Variants in ERLIN2 observed in about 807,000 individuals in gnomAD.
ERLIN2 encodes erlin-2.
Under a neutral mutation model 41.5 loss-of-function variants are expected in ERLIN2, and 22 were observed. The observed-to-expected ratio is 0.53, with a 90% CI of 0.38 to 0.76. The LOEUF (loss-of-function observed/expected upper bound fraction) is 0.76, where lower values mean the gene tolerates loss of function less well. ERLIN2 is among the 30% of genes least tolerant of loss of function. The pLI, the probability that ERLIN2 is intolerant of heterozygous loss-of-function variation, is 0.00. For missense variants in ERLIN2, 247 were observed against 414.3 expected (o/e 0.60, Z 3.51); for synonymous variants, 149 against 150.9 (o/e 0.99, Z 0.09).
intron 8 of ERLIN2, 126 bp downstream of exon 8, chr8:37,749,978 C>G (rs978423442): frequency 4.0e-5 from 35 of 867,214 alleles, no homozygotes; most frequent in Non-Finnish European, 6.6e-5. Context: ...TTGCTACAGC[C>G]CATTGCACTG....
intron 6 of ERLIN2, chr8:37,745,391 A>G (rs1013485782): frequency 1.4e-5 from 9 of 644,580 alleles, no homozygotes; most frequent in African/African-American, 3.7e-5. Flanking sequence ...TGTCCTTTTT[A>G]CCTTTTTCAA....
intron 4 of ERLIN2, among the ~76,000 whole-genome samples, chr8:37,742,069 C>T (rs567211583): frequency 2.6e-5 from 4 of 152,002 alleles, no homozygotes; most frequent in South Asian, 2.1e-4. Flanking sequence ...ATCGGCCGGG[C>T]GCGGTGGCTC....
chr8:37,744,474 G>A (rs373898755), intron 5 of ERLIN2, 58 bp downstream of exon 5: 22 of 1,608,342 alleles, frequency 1.4e-5, no homozygotes, highest in African/African-American at 6.7e-5. Flanking sequence ...TGCCACTCCC[G>A]TGTCTGTTGT....
intron 4 of ERLIN2, 75 bp from the exon 5 acceptor site, chr8:37,744,280 T>A: frequency 1.6e-6 from 2 of 1,260,530 alleles, no homozygotes; most frequent in Non-Finnish European, 2.3e-6. Context: ...CCCCACATCT[T>A]ACGCCATCAC....
At chr8:37,749,929 A>C in intron 8 of ERLIN2, 77 bp downstream of exon 8, 3 of 1,253,272 alleles carry the variant, frequency 2.4e-6, no homozygotes, top group Non-Finnish European at 3.5e-6. Flanking sequence ...GAGGTAACCA[A>C]AGCTGCCAGG....
intron 6 of ERLIN2, chr8:37,745,336 AAC>A: frequency 1.7e-6 from 1 of 573,942 alleles, no homozygotes; most frequent in East Asian, 2.8e-5. Flanking sequence ...CGAATAGAAA[AAC>A]ACTTTAAACA....
At chr8:37,737,522 T>G (rs1772815137) in intron 1 of ERLIN2, 1 of 264,586 alleles carries the variant, frequency 3.8e-6, no homozygotes, top group African/African-American at 2.2e-5. Flanking sequence ...TTTGGCATCC[T>G]CTGTAATTTG....
At chr8:37,740,313 C>T (rs372405680) in intron 2 of ERLIN2, 52 bp from the exon 3 acceptor site, 10 of 1,286,220 alleles carry the variant, frequency 7.8e-6, no homozygotes, top group Non-Finnish European at 1.1e-5. Context: ...ATTGATCTAA[C>T]AGAGCCTTCT....
chr8:37,736,922 G>C, intron 1 of ERLIN2: 3 of 985,982 alleles, frequency 3.0e-6, no homozygotes, highest in Non-Finnish European at 3.6e-6. Context: ...GGAACGGGGC[G>C]GGGAAGGGGC....
chr8:37,746,263 A>G, intron 6 of ERLIN2: 1 of 985,506 alleles, frequency 1.0e-6, no homozygotes, highest in Non-Finnish European at 1.2e-6. Context: ...GACTTTAAAC[A>G]TGAAGCTGCA....
At chr8:37,752,276 C>T (rs558557406) in intron 10 of ERLIN2, among the ~76,000 whole-genome samples, 127 of 152,322 alleles carry the variant, frequency 8.3e-4, no homozygotes, top group South Asian at 3.1e-3. Context: ...TCTAAGCCTG[C>T]ACCTCCTTCC....
At chr8:37,743,867 G>T (rs1387897234) in intron 4 of ERLIN2, among the ~76,000 whole-genome samples, 1 of 152,150 alleles carries the variant, frequency 6.6e-6, no homozygotes, top group Non-Finnish European at 1.5e-5. Context: ...GGATATGGAT[G>T]TTAGTTATAC....
intron 1 of ERLIN2, chr8:37,737,532 G>C (rs1298718459): frequency 7.4e-6 from 2 of 270,646 alleles, no homozygotes; most frequent in Non-Finnish European, 1.5e-5. Context: ...TCTGTAATTT[G>C]GGCCAAAGTA....
intron 10 of ERLIN2, among the ~76,000 whole-genome samples, chr8:37,751,997 G>A (rs565110519): frequency 2.6e-5 from 4 of 152,332 alleles, no homozygotes; most frequent in South Asian, 2.1e-4. Flanking sequence ...AAGTCCCGTA[G>A]ACCCTGCTTT....
chr8:37,737,926 G>A lies in ERLIN2; in HGVS notation c.4G>A (p.Ala2Thr), dbSNP rs1392269878. 1 of 1,614,112 alleles carries A rather than the reference G, an allele frequency of 6.2e-7. No homozygotes were observed. Among genetic ancestry groups the A allele is most frequent in the Non-Finnish European group, 8.5e-7 (1 of 1,180,028 alleles). The change falls in exon 2 of 12, where the codon GCT becomes ACT. Residue 2 changes from alanine to threonine, a missense_variant. Coordinates refer to ENST00000519638, the MANE Select transcript of ERLIN2 (RefSeq NM_007175.8). M[A>T]QLGAVVAVAS... ...TCCCTAGGATAAAGGCTCACTGATG[G>A]CTCAGTTGGGAGCAGTTGTGGCTGT...
chr8:37,749,674 C>A, intron 7 of ERLIN2, 42 bp downstream of exon 7: 2 of 1,568,538 alleles, frequency 1.3e-6, no homozygotes, highest in South Asian at 2.2e-5. Context: ...CTCTCTGACA[C>A]TGCTTCCCTT....
chr8:37,744,840 T>C, intron 6 of ERLIN2, 144 bp downstream of exon 6: 1 of 917,668 alleles, frequency 1.1e-6, no homozygotes, highest in Non-Finnish European at 1.7e-6. Flanking sequence ...GCTCAGGAGC[T>C]GGTCACAAAG....
Position 37,737,903 on chromosome 8 carries a change from C to T in ERLIN2, c.-15-5C>T. On this transcript the variant is annotated splice_region_variant and splice_polypyrimidine_tract_variant and intron_variant, in intron 1 of 11. Coordinates refer to ENST00000519638, the MANE Select transcript of ERLIN2 (RefSeq NM_007175.8). ...CACACACATTTTCCCGTGTCTTTTCCCTAGGATAAAGGCTCACTGATGGCT... is the reference window on the plus strand; with the variant it reads ...CACACACATTTTCCCGTGTCTTTTCTCTAGGATAAAGGCTCACTGATGGCT... 1.9e-6 allele frequency: 3 copies of T among 1,613,976 alleles called. No homozygotes were observed. The highest frequency in any genetic ancestry group is 2.2e-5 in the East Asian group (1 of 44,872).
intron 6 of ERLIN2, chr8:37,747,776 T>C (rs770376526): frequency 3.0e-5 from 49 of 1,612,426 alleles, no homozygotes; most frequent in African/African-American, 5.3e-5. Flanking sequence ...CGCAGATACA[T>C]AGTCTCTTCG....
Sources: gnomAD v4.1 joint callset for allele counts (sites outside exome capture counted in the v4.1 genomes callset) on GRCh38, gnomAD v4.1.1 for gene constraint, MANE v1.5 for transcripts, NCBI Gene and HGNC (gene_info 2026-07-23, HGNC 2026-07-21) for gene names.